COPS2: variants seen among roughly 807,000 people sequenced by gnomAD.
COPS2 encodes the protein COP9 signalosome subunit 2.
Under a neutral mutation model 66.1 loss-of-function variants are expected in COPS2, and 10 were observed. That is an observed-to-expected ratio of 0.15 (90% CI 0.09 to 0.26). The LOEUF is 0.26. Ranked by LOEUF, COPS2 falls within the 10% of genes least tolerant of loss-of-function variation. The probability of loss-of-function intolerance (pLI) is 1.00; values close to 1 mark genes in which losing one functional copy is unlikely to be tolerated. For missense variants in COPS2, 215 were observed against 513.3 expected, an observed-to-expected ratio of 0.42 and a Z score of 5.62; for synonymous variants, 179 against 171.3, an observed-to-expected ratio of 1.04 and a Z score of -0.35.
chr15:49,150,038 T>C (rs1451262951), intron 1 of COPS2, among the ~76,000 whole-genome samples: 2 of 152,076 alleles, frequency 1.3e-5, no homozygotes, highest in Non-Finnish European at 1.5e-5. Context: ...CTCATGCCTG[T>C]AATCCCAGCA....
At chr15:49,134,556 G>T (rs377237020) in intron 6 of COPS2, 42 bp from the exon 7 acceptor site, 4 of 1,452,570 alleles carry the variant, frequency 2.8e-6, no homozygotes. Context: ...ATAGAATTCA[G>T]ACAGTAATTC....
chr15:49,153,857 T>C (rs548818672), intron 1 of COPS2, among the ~76,000 whole-genome samples: 1 of 151,580 alleles, frequency 6.6e-6, no homozygotes, highest in East Asian at 1.9e-4. Flanking sequence ...TGGTAGAGAG[T>C]AGAATGATAG....
At chr15:49,140,511 G>C (rs932674519) in intron 3 of COPS2, among the ~76,000 whole-genome samples, 2 of 152,016 alleles carry the variant, frequency 1.3e-5, no homozygotes, top group African/African-American at 4.8e-5. Context: ...CCCATCTAAG[G>C]TTCTATTCAA....
At chr15:49,128,475 TATA>T (rs142781786) in intron 12 of COPS2, among the ~76,000 whole-genome samples, 9,681 of 152,274 alleles carry the variant, frequency 0.064, 621 homozygotes, top group African/African-American at 0.16. Context: ...TTTGGCTGTA[TATA>T]ATAAGAAATC....
rs1318742028 is a variant in COPS2, at chr15:49,124,824, A to G, written c.*3126T>C. 1.3e-5 allele frequency: 2 copies of G among 152,184 alleles called. No homozygotes were observed. The highest frequency in any genetic ancestry group is 2.9e-5 in the Non-Finnish European group (2 of 68,026). 9.4% of individuals were successfully genotyped at this position (152,184 alleles called of 1,614,324 possible). A position where few individuals can be genotyped will look rare whatever the true frequency, so the allele number is the denominator to read the frequency against. On this transcript the variant is annotated 3_prime_UTR_variant, in exon 13 of 13. Transcript: ENST00000388901. ...AGTGACTAAAATAATATTTTAAAAA[A>G]TCCTTAGTAAATTAATGATTACAGA...
At chr15:49,131,198 G>C (rs2084205817) in intron 9 of COPS2, among the ~76,000 whole-genome samples, 1 of 152,034 alleles carries the variant, frequency 6.6e-6, no homozygotes, top group Non-Finnish European at 1.5e-5. Context: ...TGTTCATAAT[G>C]AAAGGAACCA....
intron 9 of COPS2, 102 bp downstream of exon 9, chr15:49,133,657 G>C: frequency 1.4e-6 from 1 of 691,914 alleles, no homozygotes; most frequent in Non-Finnish European, 2.4e-6. Flanking sequence ...AAATACAAAA[G>C]GGCAAATGTT....
chr15:49,134,960 A>G (rs975785226), intron 6 of COPS2, among the ~76,000 whole-genome samples: 2 of 152,196 alleles, frequency 1.3e-5, no homozygotes, highest in Non-Finnish European at 1.5e-5. Flanking sequence ...ACATTAAATC[A>G]CAGTTTCTAA....
chr15:49,137,100 C>CT (rs762489387), intron 6 of COPS2, 50 bp downstream of exon 6: 393 of 1,143,710 alleles, frequency 3.4e-4, no homozygotes, highest in Middle Eastern at 5.4e-4. Context: ...ATTGCTTATA[C>CT]TTTTTTTTTA....
intron 1 of COPS2, among the ~76,000 whole-genome samples, chr15:49,147,582 A>G (rs2084329366): frequency 6.6e-6 from 1 of 152,164 alleles, no homozygotes; most frequent in South Asian, 2.1e-4. Flanking sequence ...TGTTAAAAAC[A>G]GGATCCTTGA....
intron 10 of COPS2, among the ~76,000 whole-genome samples, chr15:49,130,377 GTTAT>G (rs1315658985): frequency 3.3e-5 from 5 of 151,914 alleles, no homozygotes; most frequent in Admixed American, 1.3e-4. Context: ...CATAACTTTT[GTTAT>G]TTGTCAAAAA....
intron 3 of COPS2, 108 bp from the exon 4 acceptor site, chr15:49,139,761 T>C (rs2084278303): frequency 7.9e-6 from 6 of 757,150 alleles, no homozygotes; most frequent in East Asian, 2.7e-5. Context: ...GTAGTTCATA[T>C]AGTTCCTGAT....
At chr15:49,152,667 C>G (rs577730392) in intron 1 of COPS2, among the ~76,000 whole-genome samples, 22 of 152,088 alleles carry the variant, frequency 1.4e-4, no homozygotes, top group Middle Eastern at 3.4e-3. Flanking sequence ...AATAAAAACA[C>G]AAAAAATTAG....
intron 1 of COPS2, among the ~76,000 whole-genome samples, chr15:49,150,255 A>T (rs191553119): frequency 0.012 from 1,819 of 149,650 alleles, 34 homozygotes; most frequent in African/African-American, 0.043. Context: ...CTCAAAAAAA[A>T]AAAAAAATAA....
chr15:49,148,743 T>A (rs1026661527), intron 1 of COPS2, among the ~76,000 whole-genome samples: 17 of 151,998 alleles, frequency 1.1e-4, no homozygotes, highest in Admixed American at 7.2e-4. Flanking sequence ...AGAAGCAGAA[T>A]AAGGAGAAAA....
intron 1 of COPS2, among the ~76,000 whole-genome samples, chr15:49,153,835 T>A (rs1025767184): frequency 6.6e-6 from 1 of 151,904 alleles, no homozygotes; most frequent in Non-Finnish European, 1.5e-5. Flanking sequence ...GCAAAAGAAG[T>A]TGATTTCACG....
At chr15:49,131,014 G>C (rs2084204330) in intron 9 of COPS2, among the ~76,000 whole-genome samples, 198 bp from the exon 10 acceptor site, 2 of 151,784 alleles carry the variant, frequency 1.3e-5, no homozygotes, top group Admixed American at 1.3e-4. Flanking sequence ...TCATGCTTTT[G>C]GTTTTTTAAA....
At chr15:49,136,476 T>C (rs1162745838) in intron 6 of COPS2, among the ~76,000 whole-genome samples, 8 of 152,200 alleles carry the variant, frequency 5.3e-5, no homozygotes, top group Admixed American at 5.2e-4. Context: ...GGTGCTACCA[T>C]ATTTGATAAC....
At chr15:49,154,257 A>G (rs985947876) in intron 1 of COPS2, among the ~76,000 whole-genome samples, 8 of 152,210 alleles carry the variant, frequency 5.3e-5, no homozygotes, top group Admixed American at 5.2e-4. Flanking sequence ...ATGGACAGAT[A>G]CATATTCTTA....
Sources: allele counts gnomAD v4.1 joint callset (sites outside exome capture counted in the v4.1 genomes callset), GRCh38; gene constraint gnomAD v4.1.1; transcripts MANE v1.5; gene names NCBI Gene and HGNC (gene_info 2026-07-23, HGNC 2026-07-21).